Variants in LRRC69 observed in about 807,000 individuals in gnomAD.
LRRC69 encodes the protein leucine rich repeat containing 69.
Under a neutral mutation model 37.8 loss-of-function variants are expected in LRRC69, and 42 were observed. The ratio of observed to expected loss-of-function variants is 1.11; its 90% CI spans 0.87 to 1.44. LRRC69 has a LOEUF of 1.44. LRRC69 is among the 40% of genes most tolerant of loss of function. LRRC69 has a pLI of 0.00. For missense variants in LRRC69, 357 were observed against 401.9 expected (o/e 0.89, Z 0.96); for synonymous variants, 141 against 143.1 (o/e 0.99, Z 0.11).
At chr8:91,197,145 A>T (rs936007383) in intron 6 of LRRC69, among the ~76,000 whole-genome samples, 8 of 152,054 alleles carry the variant, frequency 5.3e-5, no homozygotes, top group Non-Finnish European at 1.0e-4. Flanking sequence ...CCTCCCAGTT[A>T]GGCTACTCGG....
chr8:91,180,875 A>G (rs117600669), intron 5 of LRRC69, among the ~76,000 whole-genome samples: 1,934 of 152,256 alleles, frequency 0.013, 21 homozygotes, highest in Non-Finnish European at 0.02. Flanking sequence ...GGAAGTGGGG[A>G]AAGAATGAAG....
intron 7 of LRRC69, among the ~76,000 whole-genome samples, chr8:91,211,789 T>G (rs1809930825): frequency 6.6e-6 from 1 of 151,882 alleles, no homozygotes; most frequent in Non-Finnish European, 1.5e-5. Flanking sequence ...CCTGTTGTGC[T>G]TTACACAATG....
At chr8:91,107,534 T>C (rs1231911267) in intron 1 of LRRC69, among the ~76,000 whole-genome samples, 1 of 152,018 alleles carries the variant, frequency 6.6e-6, no homozygotes, top group Non-Finnish European at 1.5e-5. Context: ...CCTGCCTTCA[T>C]GTTTGGTGAT....
intron 6 of LRRC69, among the ~76,000 whole-genome samples, chr8:91,197,648 A>G (rs1362766368): frequency 6.6e-6 from 1 of 151,590 alleles, no homozygotes; most frequent in Non-Finnish European, 1.5e-5. Flanking sequence ...AGGAAAGGGA[A>G]CTCCCTGACC....
intron 5 of LRRC69, among the ~76,000 whole-genome samples, chr8:91,162,138 A>G (rs1361672426): frequency 6.6e-6 from 1 of 151,368 alleles, no homozygotes; most frequent in Non-Finnish European, 1.5e-5. Context: ...TTTGATTTTT[A>G]AAAATTTGTT....
At chr8:91,106,027 G>A (rs1430114315) in intron 1 of LRRC69, among the ~76,000 whole-genome samples, 1 of 152,032 alleles carries the variant, frequency 6.6e-6, no homozygotes, top group African/African-American at 2.4e-5. Context: ...CAGAGAGAAG[G>A]GGCAGGGTGT....
chr8:91,158,835 T>C, intron 5 of LRRC69: 1 of 683,652 alleles, frequency 1.5e-6, no homozygotes, highest in Non-Finnish European at 2.7e-6. Flanking sequence ...AAATAGAATG[T>C]TACTTTGGAA....
At chr8:91,181,795 A>G (rs1809330028) in intron 5 of LRRC69, among the ~76,000 whole-genome samples, 1 of 152,142 alleles carries the variant, frequency 6.6e-6, no homozygotes, top group East Asian at 1.9e-4. Flanking sequence ...CTTGGCAGCA[A>G]TGGTCCCCAT....
chr8:91,197,564 C>T (rs1338800083), intron 6 of LRRC69, among the ~76,000 whole-genome samples: 3 of 152,038 alleles, frequency 2.0e-5, no homozygotes, highest in Non-Finnish European at 4.4e-5. Flanking sequence ...TTTTTAAGCC[C>T]GTCGGAAAAG....
intron 5 of LRRC69, among the ~76,000 whole-genome samples, chr8:91,153,055 G>C (rs1366275725): frequency 6.6e-6 from 1 of 150,962 alleles, no homozygotes. Context: ...ATGGCAAGCA[G>C]ATAAAAGCAG....
chr8:91,177,163 A>G (rs549773312), intron 5 of LRRC69, among the ~76,000 whole-genome samples: 37 of 152,292 alleles, frequency 2.4e-4, no homozygotes, highest in African/African-American at 8.2e-4. Context: ...AGAACCATAG[A>G]TGGCAATTTT....
intron 7 of LRRC69, among the ~76,000 whole-genome samples, chr8:91,215,995 G>T (rs1810039437): frequency 1.3e-5 from 2 of 152,176 alleles, no homozygotes; most frequent in Non-Finnish European, 2.9e-5. Flanking sequence ...TAGAGATGAT[G>T]AATCTAGATG....
chr8:91,140,379 C>CT (rs552748579), intron 5 of LRRC69, among the ~76,000 whole-genome samples: 11 of 151,746 alleles, frequency 7.2e-5, no homozygotes, highest in Non-Finnish European at 1.0e-4. Flanking sequence ...TTCATTTATC[C>CT]TTTTGTAAGT....
chr8:91,126,179 C>G (rs1013004927), intron 2 of LRRC69, among the ~76,000 whole-genome samples: 1 of 151,986 alleles, frequency 6.6e-6, no homozygotes, highest in Non-Finnish European at 1.5e-5. Flanking sequence ...CATTACATGA[C>G]CCTATTTCCC....
At chr8:91,197,387 G>A (rs571712743) in intron 6 of LRRC69, among the ~76,000 whole-genome samples, 26 of 152,318 alleles carry the variant, frequency 1.7e-4, no homozygotes, top group South Asian at 2.1e-4. Flanking sequence ...GAGCTTCCCC[G>A]GCTGCTTTGT....
chr8:91,124,821 A>G lies in LRRC69; in HGVS notation c.310+202A>G. The G allele has an allele frequency of 9.1e-6, 4 of 438,002 alleles. No individual in the cohort carries two copies. The South Asian group carries it at 1.2e-4, about 13-fold the overall frequency. 27.1% of individuals were successfully genotyped at this position (438,002 alleles called of 1,614,324 possible). A position where few individuals can be genotyped will look rare whatever the true frequency, so the allele number is the denominator to read the frequency against. ...ATGTTTATTTACATGTAGACCTAAGAAAATAAGTAAGCATCAGTGTTAATG... is the reference window on the plus strand; with the variant it reads ...ATGTTTATTTACATGTAGACCTAAGGAAATAAGTAAGCATCAGTGTTAATG... On this transcript the variant is annotated intron_variant, in intron 2 of 7. Coordinates refer to ENST00000448384, the Ensembl canonical transcript of LRRC69.
chr8:91,141,331 A>C (rs1346436152), intron 5 of LRRC69, among the ~76,000 whole-genome samples: 1 of 152,050 alleles, frequency 6.6e-6, no homozygotes, highest in African/African-American at 2.4e-5. Flanking sequence ...ATTGTGGCCC[A>C]CTCTAATCCA....
At chr8:91,147,844 G>A (rs1808650079) in intron 5 of LRRC69, among the ~76,000 whole-genome samples, 1 of 151,566 alleles carries the variant, frequency 6.6e-6, no homozygotes, top group African/African-American at 2.4e-5. Context: ...TTAGCTATTT[G>A]TTCTGATTTT....
At chr8:91,137,237 A>C (rs1245990460) in intron 5 of LRRC69, among the ~76,000 whole-genome samples, 1 of 151,888 alleles carries the variant, frequency 6.6e-6, no homozygotes, top group Middle Eastern at 3.4e-3. Context: ...TCTTAATTTA[A>C]CTCTCTATGT....
Sources: gnomAD v4.1 joint callset for allele counts (sites outside exome capture counted in the v4.1 genomes callset) on GRCh38, gnomAD v4.1.1 for gene constraint, MANE v1.5 for transcripts, NCBI Gene and HGNC (gene_info 2026-07-23, HGNC 2026-07-21) for gene names.